ROBO1: variants seen among roughly 807,000 people sequenced by gnomAD.
The protein encoded by ROBO1 is roundabout homolog 1.
Under a neutral mutation model 195.9 loss-of-function variants are expected in ROBO1, and 149 were observed. The observed-to-expected ratio is 0.76, with a 90% confidence interval of 0.67 to 0.87. The LOEUF is 0.87. Among genes scored for constraint, ROBO1 ranks in the 40% least tolerant of loss-of-function variants. The pLI is 0.00. For missense variants in ROBO1, 1,933 were observed against 2,068.3 expected (o/e 0.93, Z 1.27); for synonymous variants, 816 against 733.2 (o/e 1.11, Z -1.82).
At chr3:79,206,573 G>T (rs933343880) in intron 2 of ROBO1, among the ~76,000 whole-genome samples, 1 of 152,120 alleles carries the variant, frequency 6.6e-6, no homozygotes, top group African/African-American at 2.4e-5. Context: ...TGGGGGTCTT[G>T]AAACATATCC....
At chr3:79,754,568 C>T (rs1312297848) in intron 1 of ROBO1, among the ~76,000 whole-genome samples, 2 of 152,164 alleles carry the variant, frequency 1.3e-5, no homozygotes. Flanking sequence ...ATCTCAGCAA[C>T]GCTAGCTCCA....
chr3:79,353,285 A>G (rs2035415647), intron 2 of ROBO1, among the ~76,000 whole-genome samples: 1 of 152,152 alleles, frequency 6.6e-6, no homozygotes, highest in African/African-American at 2.4e-5. Flanking sequence ...TTGCTCTTAC[A>G]TGGGAAATGC....
At chr3:79,309,409 G>A (rs1011630896) in intron 2 of ROBO1, among the ~76,000 whole-genome samples, 4 of 151,962 alleles carry the variant, frequency 2.6e-5, no homozygotes, top group Non-Finnish European at 5.9e-5. Context: ...ATCTTGCCCC[G>A]TCTCTACAAA....
intron 2 of ROBO1, among the ~76,000 whole-genome samples, chr3:79,277,177 T>C (rs1163681439): frequency 1.3e-5 from 2 of 152,110 alleles, no homozygotes; most frequent in South Asian, 4.1e-4. Context: ...CCAATGTGTA[T>C]TGTAGCACTA....
chr3:79,702,349 A>G (rs1947644289), intron 1 of ROBO1, among the ~76,000 whole-genome samples: 1 of 151,938 alleles, frequency 6.6e-6, no homozygotes, highest in South Asian at 2.1e-4. Context: ...AAGATATGAC[A>G]TGGTGAGGGG....
intron 29 of ROBO1, among the ~76,000 whole-genome samples, chr3:78,602,036 ATG>A (rs1703203461): frequency 5.3e-5 from 4 of 75,788 alleles, no homozygotes; most frequent in Non-Finnish European, 1.0e-4. Flanking sequence ...TATATCATTC[ATG>A]TGTGTGAGTG....
intron 2 of ROBO1, among the ~76,000 whole-genome samples, chr3:79,144,064 C>T (rs907309229): frequency 1.3e-5 from 2 of 151,742 alleles, no homozygotes; most frequent in Non-Finnish European, 2.9e-5. Flanking sequence ...ATGTAGAGTT[C>T]CATGATATGG....
chr3:79,121,584 T>A (rs1166518526), intron 3 of ROBO1, among the ~76,000 whole-genome samples: 1 of 152,014 alleles, frequency 6.6e-6, no homozygotes, highest in Non-Finnish European at 1.5e-5. Context: ...ATGGCTAGAT[T>A]TTACTTAAAT....
intron 2 of ROBO1, among the ~76,000 whole-genome samples, chr3:79,280,346 T>C (rs1447448212): frequency 2.0e-5 from 3 of 152,172 alleles, no homozygotes; most frequent in Non-Finnish European, 4.4e-5. Context: ...TCTGAGAATA[T>C]GTACAATTAT....
intron 2 of ROBO1, among the ~76,000 whole-genome samples, chr3:79,428,352 C>T (rs192071876): frequency 4.5e-4 from 68 of 152,050 alleles, no homozygotes; most frequent in Admixed American, 1.9e-3. Flanking sequence ...TAGCATCTAC[C>T]TTATGCATTC....
chr3:79,711,341 T>C (rs986020129), intron 1 of ROBO1, among the ~76,000 whole-genome samples: 4 of 152,176 alleles, frequency 2.6e-5, no homozygotes, highest in Non-Finnish European at 4.4e-5. Flanking sequence ...ATAAAAAGTT[T>C]AGTAAGTTAT....
At chr3:79,065,529 C>T (rs2078989876) in intron 3 of ROBO1, among the ~76,000 whole-genome samples, 1 of 151,862 alleles carries the variant, frequency 6.6e-6, no homozygotes, top group Non-Finnish European at 1.5e-5. Flanking sequence ...GAGTGTGGAA[C>T]ATCTTAACAT....
At chr3:79,479,136 T>C (rs1938697600) in intron 2 of ROBO1, among the ~76,000 whole-genome samples, 1 of 152,150 alleles carries the variant, frequency 6.6e-6, no homozygotes, top group Non-Finnish European at 1.5e-5. Flanking sequence ...AAGAAATAAA[T>C]GATAATGGAA....
chr3:79,218,685 T>C lies in ROBO1; in HGVS notation c.89-93146A>G, dbSNP rs892317915. ...TTTCTAAATAATAATGAATCTTTTA[T>C]TTGTATAATGTAATAGACAAAGAGA... On this transcript the variant is annotated intron_variant, in intron 2 of 30. Coordinates refer to ENST00000464233, the MANE Select transcript of ROBO1 (RefSeq NM_002941.4). 3.3e-5 allele frequency among the ~76,000 whole-genome samples: 5 copies of C among 152,144 alleles called. No individual in the cohort carries two copies. In the South Asian group the frequency reaches 1.0e-3, roughly 31 times the overall value.
intron 3 of ROBO1, among the ~76,000 whole-genome samples, chr3:79,067,342 G>T (rs2079020327): frequency 6.6e-6 from 1 of 151,948 alleles, no homozygotes. Flanking sequence ...TGTTTATTTG[G>T]TAAATTTCCC....
chr3:79,123,827 A>C (rs2080165422), intron 3 of ROBO1, among the ~76,000 whole-genome samples: 1 of 152,040 alleles, frequency 6.6e-6, no homozygotes. Flanking sequence ...ACACCTGATT[A>C]ACCTGAAGGG....
At chr3:79,497,071 A>G (rs1204104787) in intron 2 of ROBO1, among the ~76,000 whole-genome samples, 1 of 152,220 alleles carries the variant, frequency 6.6e-6, no homozygotes, top group African/African-American at 2.4e-5. Context: ...AAAGAATCTG[A>G]GGAGAAGCAG....
intron 18 of ROBO1, among the ~76,000 whole-genome samples, chr3:78,656,342 T>G (rs906122767): frequency 1.5e-5 from 2 of 132,876 alleles, no homozygotes; most frequent in African/African-American, 5.5e-5. Flanking sequence ...GTTTGCTTAT[T>G]TGATTTTTTT....
chr3:79,024,611 C>T (rs536618094), intron 3 of ROBO1, among the ~76,000 whole-genome samples: 1 of 152,152 alleles, frequency 6.6e-6, no homozygotes, highest in African/African-American at 2.4e-5. Context: ...AGATTCAATA[C>T]GTTTAAGGAT....
Sources: allele counts gnomAD v4.1 joint callset (sites outside exome capture counted in the v4.1 genomes callset), GRCh38; gene constraint gnomAD v4.1.1; transcripts MANE v1.5; gene names NCBI Gene and HGNC (gene_info 2026-07-23, HGNC 2026-07-21).